Variants in H6PD observed in about 807,000 individuals in gnomAD.
The protein encoded by H6PD is GDH/6PGL endoplasmic bifunctional protein.
A neutral mutation model predicts 61.2 loss-of-function variants in H6PD; 48 were observed. The observed-to-expected ratio is 0.78, with a 90% CI of 0.62 to 1.00. The LOEUF (loss-of-function observed/expected upper bound fraction) is 1.00. Among genes scored for constraint, H6PD ranks in the 50% least tolerant of loss-of-function variants. H6PD has a pLI of 0.00. For missense variants in H6PD, 1,093 were observed against 1,065.0 expected, an observed-to-expected ratio of 1.03 and a Z score of -0.37; for synonymous variants, 480 against 457.9, an observed-to-expected ratio of 1.05 and a Z score of -0.62.
Position 9,262,309 on chromosome 1 carries a change from C to G in H6PD, c.996C>G (p.Ser332Arg). 6.2e-7 allele frequency: 1 copy of G among 1,606,032 alleles called. No individual in the cohort carries two copies. The highest frequency in any genetic ancestry group is 1.3e-5 in the African/African-American group (1 of 74,898). The change falls in exon 4 of 5, where the codon AGC becomes AGG. Residue 332 changes from serine (S) to arginine (R), a missense_variant. Coordinates refer to ENST00000377403, the MANE Select transcript of H6PD (RefSeq NM_004285.4). Reference sequence around the variant, plus strand: ...TGCAGAAGCCAGACAGCTTCCACAGCCTGACGCCGACCTTCGCAGGTGGGC... The same window carrying G: ...TGCAGAAGCCAGACAGCTTCCACAGGCTGACGCCGACCTTCGCAGGTGGGC... ...RELQKPDSFH[S>R]LTPTFAAVLV...
chr1:9,261,680 A>G (rs541248346), intron 3 of H6PD, among the ~76,000 whole-genome samples: 150 of 152,290 alleles, frequency 9.8e-4, no homozygotes, highest in Non-Finnish European at 1.5e-3. Flanking sequence ...AGCCCCCGCC[A>G]TGGTGCCATA....
chr1:9,257,244 A>G (rs979322317), intron 3 of H6PD, among the ~76,000 whole-genome samples: 21 of 151,518 alleles, frequency 1.4e-4, no homozygotes, highest in Admixed American at 7.2e-4. Flanking sequence ...GGCTCAAGCA[A>G]TCCTCCCACC....
In H6PD at chr1:9,262,109, A is replaced by G; in HGVS notation, c.796A>G (p.Asn266Asp). The part of the protein sequence containing the change: ...EYGVIRDVLQ[N>D]HLTEVLTLVA... ...CGGTGTCATTCGCGACGTCCTCCAG[A>G]ACCATCTGACGGAGGTCCTCACCCT... The change falls in exon 4 of 5, where the codon AAC (asparagine) becomes GAC (aspartate). Residue 266 changes from asparagine (N) to aspartate (D), a missense_variant. Coordinates refer to ENST00000377403, the MANE Select transcript of H6PD (RefSeq NM_004285.4). 6.2e-7 allele frequency: 1 copy of G among 1,614,200 alleles called. No homozygotes were observed. Among genetic ancestry groups the G allele is most frequent in the Non-Finnish European group, 8.5e-7 (1 of 1,180,028 alleles).
In H6PD at chr1:9,259,809, A is replaced by G. The variant is rs540504714; in HGVS notation, c.746-2250A>G. Among the ~76,000 whole-genome samples, 4 of 139,236 alleles carry G rather than the reference A, an allele frequency of 2.9e-5. No individual in the cohort carries two copies. The East Asian group carries it at 6.9e-4, about 24-fold the overall frequency. The allele number at this position is 139,236 out of a possible 152,430, so 91.3% of individuals were successfully genotyped here. A position where few individuals can be genotyped will look rare whatever the true frequency, so the allele number is the denominator to read the frequency against. ...CCAGTGTTGTTATGTTGCTGTTGTT[A>G]CGGTGGTGTTATGTTGTTATGCTGG... On this transcript the variant is annotated intron_variant, in intron 3 of 4. Coordinates refer to ENST00000377403, the MANE Select transcript of H6PD (RefSeq NM_004285.4).
chr1:9,245,310 G>A lies in H6PD; in HGVS notation c.376G>A (p.Ala126Thr), dbSNP rs532063800. ...TCAGGCCCTGAACAAGGACATCGAG[G>A]CACAGCTCCAGCACGCAGGCCTCCG... ...DYQALNKDIE[A>T]QLQHAGLREA... The change falls in exon 2 of 5, where the codon GCA becomes ACA. Residue 126 changes from alanine (A) to threonine (T), a missense_variant. Coordinates refer to ENST00000377403, the MANE Select transcript of H6PD (RefSeq NM_004285.4). The surrounding 1 kb of genome is among the most constrained non-coding windows in gnomAD (Gnocchi z 4.8). 1.9e-6 allele frequency: 3 copies of A among 1,614,200 alleles called. No individual in the cohort carries two copies. Among genetic ancestry groups the A allele is most frequent in the Admixed American group, 1.7e-5 (1 of 60,004 alleles).
At position 9,267,125 on chromosome 1, in the gene H6PD, A is replaced by G. The variant is rs1638591697; in HGVS notation, c.*2256A>G. On this transcript the variant is annotated 3_prime_UTR_variant, in exon 5 of 5. Coordinates refer to ENST00000377403, the MANE Select transcript of H6PD (RefSeq NM_004285.4). The stretch of plus-strand genomic sequence containing the variant: ...GTGAGCCACCGCGCCCAGCCAGAAC[A>G]TCTGTTTTTACACCCAGAGAGCGCC... The G allele has an allele frequency of 6.6e-6, 1 of 152,450 alleles. No individual in the cohort carries two copies. Among genetic ancestry groups the G allele is most frequent in the Non-Finnish European group, 1.5e-5 (1 of 68,286 alleles). 9.4% of individuals were successfully genotyped at this position (152,450 alleles called of 1,614,324 possible).
chr1:9,259,023 G>A lies in H6PD; in HGVS notation c.746-3036G>A, dbSNP rs573113562. ...GTTTTTGTTTTTGAGGCAGAGTCTC[G>A]CTCTGTCGCCCAGGCTGGAGTGTAG... is the stretch of plus-strand genomic sequence containing the variant. On this transcript the variant is annotated intron_variant, in intron 3 of 4. Coordinates refer to ENST00000377403, the MANE Select transcript of H6PD (RefSeq NM_004285.4). Among the ~76,000 whole-genome samples the A allele has an allele frequency of 1.4e-4, 22 of 152,168 alleles. No homozygotes were observed. The South Asian group carries it at 2.5e-3, about 17-fold the overall frequency.
At chr1:9,248,948 G>T (rs571429166) in intron 3 of H6PD, among the ~76,000 whole-genome samples, 1 of 152,358 alleles carries the variant, frequency 6.6e-6, no homozygotes, top group African/African-American at 2.4e-5. Context: ...GCAGGCACGT[G>T]TGCTGGGCCT....
chr1:9,260,550 C>G (rs549381795), intron 3 of H6PD, among the ~76,000 whole-genome samples: 1 of 150,958 alleles, frequency 6.6e-6, no homozygotes, highest in African/African-American at 2.4e-5. Flanking sequence ...GTTATGTTGC[C>G]GTTGTTACTC....
chr1:9,238,568 G>A (rs964365300), intron 1 of H6PD, among the ~76,000 whole-genome samples: 2 of 152,188 alleles, frequency 1.3e-5, no homozygotes, highest in Admixed American at 1.3e-4. Flanking sequence ...CAGATACGAT[G>A]ACCTCAAGGT....
rs200586103 is a variant in H6PD at position 9,246,981 on chromosome 1, C to G, written c.643C>G (p.Leu215Val). The change falls in exon 3 of 5, where the codon CTG becomes GTG. Residue 215 changes from leucine to valine, a missense_variant. By Grantham distance (32) the Leu-to-Val change is conservative. Coordinates refer to ENST00000377403, the MANE Select transcript of H6PD (RefSeq NM_004285.4). ...YLGKQAVAQI[L>V]PFRDQNRKAL... Reference sequence around the variant, plus strand: ...CCCCCGACAGGCTGTGGCGCAGATCCTGCCTTTCCGAGACCAGAACCGCAA... The same window carrying G: ...CCCCCGACAGGCTGTGGCGCAGATCGTGCCTTTCCGAGACCAGAACCGCAA... 16 of 1,613,182 alleles carry G rather than the reference C, an allele frequency of 9.9e-6. No individual in the cohort carries two copies. The highest frequency in any genetic ancestry group is 1.4e-5 in the Non-Finnish European group (16 of 1,179,142).
At position 9,245,508 on chromosome 1, in the gene H6PD, A is replaced by G; in HGVS notation, c.574A>G (p.Thr192Ala). ...SAQQLATELG[T>A]FFQEEEMYRV... ...CCAGCAGCTGGCCACAGAACTCGGG[A>G]CCTTTTTCCAGGAGGAGGAGATGTA... Residue 192 changes from threonine to alanine, a missense_variant, in exon 2 of 5, where the codon ACC becomes GCC. Transcript: ENST00000377403. This position sits in a 1 kb window ranked among gnomAD's most constrained non-coding sequence, Gnocchi z 4.8. 1 of 1,614,144 alleles carries G rather than the reference A, an allele frequency of 6.2e-7. No homozygotes were observed. Among genetic ancestry groups the G allele is most frequent in the Non-Finnish European group, 8.5e-7 (1 of 1,180,020 alleles).
intron 1 of H6PD, chr1:9,239,714 A>T (rs971619221): frequency 3.7e-5 from 13 of 352,520 alleles, no homozygotes; most frequent in Middle Eastern, 7.2e-4. Context: ...TGCCTGGCGC[A>T]CAGAAGGTAA....
rs997826164 is a variant in H6PD, at chr1:9,268,734, A to G, written c.*3865A>G. 1.1e-4 allele frequency: 16 copies of G among 152,186 alleles called. No homozygotes were observed. The highest frequency in any genetic ancestry group is 3.9e-4 in the African/African-American group (16 of 41,442). 9.4% of individuals were successfully genotyped at this position (152,186 alleles called of 1,614,324 possible). ...AAAGCTTCCTACCGTTTGGCCTACT[A>G]TTCCAGACTAGTCCCTCGAGGGGTT... On this transcript the variant is annotated 3_prime_UTR_variant, in exon 5 of 5. Coordinates refer to ENST00000377403, the MANE Select transcript of H6PD (RefSeq NM_004285.4).
intron 3 of H6PD, among the ~76,000 whole-genome samples, chr1:9,250,489 C>G (rs1471531909): frequency 2.0e-5 from 3 of 149,810 alleles, no homozygotes; most frequent in Non-Finnish European, 4.5e-5. Flanking sequence ...TCCCCCACTC[C>G]CCACCCCACA....
chr1:9,239,446 G>A (rs1379457902), intron 1 of H6PD, among the ~76,000 whole-genome samples: 1 of 152,150 alleles, frequency 6.6e-6, no homozygotes, highest in Non-Finnish European at 1.5e-5. Context: ...CAGATCAGAG[G>A]TCATTGATAG....
At chr1:9,261,954 G>C in intron 3 of H6PD, 105 bp from the exon 4 acceptor site, 1 of 1,130,032 alleles carries the variant, frequency 8.8e-7, no homozygotes, top group Non-Finnish European at 1.3e-6. Context: ...TGGGGGAAGA[G>C]GATGCAGGAT....
At chr1:9,260,079 G>A (rs139819843) in intron 3 of H6PD, among the ~76,000 whole-genome samples, 3,693 of 151,592 alleles carry the variant, frequency 0.024, 76 homozygotes, top group African/African-American at 0.052. Flanking sequence ...GTGTTGTTAC[G>A]TTGCTGTTGT....
chr1:9,240,779 A>G (rs930050119), intron 1 of H6PD, among the ~76,000 whole-genome samples: 1 of 152,194 alleles, frequency 6.6e-6, no homozygotes, highest in African/African-American at 2.4e-5. Context: ...GGTTTATTTC[A>G]CAGCCCATTC....
Sources: allele counts gnomAD v4.1 joint callset (sites outside exome capture counted in the v4.1 genomes callset), GRCh38; gene constraint gnomAD v4.1.1; non-coding constraint Gnocchi (gnomAD v3.1); transcripts MANE v1.5; gene names NCBI Gene and HGNC (gene_info 2026-07-23, HGNC 2026-07-21).